The following ABCA13 variants were observed in gnomAD, a reference collection of about 807,000 sequenced individuals.
The protein encoded by ABCA13 is ATP binding cassette subfamily A member 13.
A neutral mutation model predicts 478.7 loss-of-function variants in ABCA13; 476 were observed. The observed-to-expected ratio is 0.99, with a 90% CI of 0.92 to 1.07. The LOEUF (loss-of-function observed/expected upper bound fraction) is 1.07. Ranked by LOEUF, ABCA13 falls within the 50% of genes least tolerant of loss-of-function variation. The pLI is 0.00. For missense variants in ABCA13, 6,060 were observed against 5,910.6 expected (o/e 1.03, Z -0.83); for synonymous variants, 2,252 against 2,158.9 (o/e 1.04, Z -1.20).
At chr7:48,440,471 G>C (rs1426909963) in intron 42 of ABCA13, among the ~76,000 whole-genome samples, 1 of 151,948 alleles carries the variant, frequency 6.6e-6, no homozygotes, top group Admixed American at 6.6e-5. Context: ...ATCATAATTG[G>C]TCTCTACATT....
chr7:48,285,112 C>T (rs1797550296), intron 19 of ABCA13, among the ~76,000 whole-genome samples: 1 of 152,142 alleles, frequency 6.6e-6, no homozygotes, highest in Non-Finnish European at 1.5e-5. Flanking sequence ...TTTAATCTTC[C>T]AGTTTCCCTA....
intron 29 of ABCA13, among the ~76,000 whole-genome samples, chr7:48,344,141 T>C (rs1807682420): frequency 6.6e-6 from 1 of 152,224 alleles, no homozygotes; most frequent in Admixed American, 6.5e-5. Context: ...AGTTCTCAAC[T>C]GAGGATGATT....
At chr7:48,337,295 C>T (rs1432957108) in intron 28 of ABCA13, among the ~76,000 whole-genome samples, 4 of 152,138 alleles carry the variant, frequency 2.6e-5, no homozygotes, top group African/African-American at 9.7e-5. Context: ...ACAACAGTAC[C>T]CTCCTGGGGA....
At chr7:48,451,059 G>A (rs561619809) in intron 42 of ABCA13, among the ~76,000 whole-genome samples, 5 of 146,152 alleles carry the variant, frequency 3.4e-5, no homozygotes, top group South Asian at 2.1e-4. Flanking sequence ...GTGCAGTGGC[G>A]TGATCTTGGC....
In ABCA13 at chr7:48,271,990, C is replaced by A. The variant is rs1795677316; in HGVS notation, c.2324C>A (p.Thr775Lys). 1.2e-6 allele frequency: 2 copies of A among 1,613,448 alleles called. No homozygotes were observed. Among genetic ancestry groups the A allele is most frequent in the Admixed American group, 1.7e-5 (1 of 59,936 alleles). Residue 775 changes from threonine to lysine, a missense_variant, in exon 17 of 62, where the codon ACA (threonine) becomes AAA (lysine). Physicochemically the swap from Thr to Lys is moderately conservative, Grantham distance 78 (BLOSUM62 -1). This residue lies in a region of ABCA13 where 4,423 missense variants were observed against 4,309.1 expected (regional missense o/e 1.03). Coordinates refer to ENST00000435803, the MANE Select transcript of ABCA13 (RefSeq NM_152701.5). ...ATTCTGAATATAAGTTCTCTGTGGA[C>A]AAATCATTTAAAAAGTTTAAAGAGA... ...EDILNISSLW[T>K]NHLKSLKRDP...
intron 29 of ABCA13, among the ~76,000 whole-genome samples, chr7:48,349,843 A>G (rs1028717664): frequency 1.2e-4 from 19 of 152,338 alleles, no homozygotes; most frequent in African/African-American, 4.6e-4. Context: ...GAGATACAGG[A>G]GGGCCAGCAG....
intron 58 of ABCA13, among the ~76,000 whole-genome samples, chr7:48,609,436 G>C (rs909776155): frequency 6.6e-6 from 1 of 152,000 alleles, no homozygotes; most frequent in East Asian, 1.9e-4. Context: ...AGACTTTGTT[G>C]AAAAAAAGTC....
At chr7:48,394,341 G>A (rs897718656) in intron 38 of ABCA13, among the ~76,000 whole-genome samples, 2 of 152,090 alleles carry the variant, frequency 1.3e-5, no homozygotes, top group Non-Finnish European at 2.9e-5. Context: ...TGGTCTTATG[G>A]TGGATCCCTG....
At position 48,391,955 on chromosome 7, in the gene ABCA13, G is replaced by A; in HGVS notation, c.11689G>A (p.Gly3897Arg). 6.2e-7 allele frequency: 1 copy of A among 1,613,914 alleles called. No homozygotes were observed. The highest frequency in any genetic ancestry group is 1.1e-5 in the South Asian group (1 of 91,074). The change falls in exon 38 of 62, where the codon GGA becomes AGA. Residue 3897 changes from glycine to arginine, a missense_variant. By Grantham distance (125) the Gly-to-Arg change is moderately radical. Transcript: ENST00000435803. ...GACGGGGCTCCACCCTCCCACTTCTGGAACCATCATCATCAATGGCAAGAA... is the reference window on the plus strand; with the variant it reads ...GACGGGGCTCCACCCTCCCACTTCTAGAACCATCATCATCAATGGCAAGAA... The part of the protein sequence containing the change: ...MLTGLHPPTS[G>R]TIIINGKNLQ...
rs1320434079 is a variant in ABCA13, at chr7:48,176,263, A to G, written c.69+4711A>G. Among the ~76,000 whole-genome samples, 5 of 152,238 alleles carry G rather than the reference A, an allele frequency of 3.3e-5. No homozygotes were observed. In the East Asian group the frequency reaches 9.7e-4, roughly 29 times the overall value. On this transcript the variant is annotated intron_variant, in intron 1 of 61. Transcript: ENST00000435803. ...TAAGTGATACCAGCTTTTTGGGTTG[A>G]GCTGGCCAATTTTACTGAAGACTTG... is the stretch of plus-strand genomic sequence containing the variant.
At chr7:48,245,687 G>T (rs1791557930) in intron 12 of ABCA13, 75 bp downstream of exon 12, 3 of 1,513,348 alleles carry the variant, frequency 2.0e-6, no homozygotes, top group Admixed American at 2.0e-5. Context: ...ATTCAGTTTT[G>T]CTCCTTTTGT....
chr7:48,388,070 A>G (rs1815463915), intron 36 of ABCA13, 111 bp downstream of exon 36: 1 of 1,171,198 alleles, frequency 8.5e-7, no homozygotes. Context: ...TGATTCCTAG[A>G]GAGACTTACA....
chr7:48,501,737 C>T (rs146308982), intron 48 of ABCA13, among the ~76,000 whole-genome samples: 1 of 152,292 alleles, frequency 6.6e-6, no homozygotes, highest in African/African-American at 2.4e-5. Flanking sequence ...AAGTTCATTA[C>T]GTGAAATTTA....
chr7:48,570,076 G>C (rs1228997269), intron 55 of ABCA13, among the ~76,000 whole-genome samples: 2 of 151,770 alleles, frequency 1.3e-5, no homozygotes, highest in African/African-American at 4.8e-5. Flanking sequence ...TTCTATTGTT[G>C]AATTGTCTAT....
chr7:48,277,052 G>T (rs1254452140), intron 17 of ABCA13, among the ~76,000 whole-genome samples: 3 of 152,130 alleles, frequency 2.0e-5, no homozygotes, highest in Non-Finnish European at 4.4e-5. Context: ...TTTGAAGTTT[G>T]CCAGTGAAAA....
intron 29 of ABCA13, among the ~76,000 whole-genome samples, chr7:48,345,489 A>T (rs1477802833): frequency 6.7e-6 from 1 of 149,340 alleles, no homozygotes; most frequent in African/African-American, 2.5e-5. Flanking sequence ...GCCTAGGCTA[A>T]TGTGTGGTTT....
At position 48,278,753 on chromosome 7, in the gene ABCA13, A is replaced by G; in HGVS notation, c.7559A>G (p.Asp2520Gly). 6.2e-7 allele frequency: 1 copy of G among 1,613,906 alleles called. No individual in the cohort carries two copies. The highest frequency in any genetic ancestry group is 8.5e-7 in the Non-Finnish European group (1 of 1,179,884). ...ADLRDLATSM[D>G]SIVKLLKLVK... ...CTGAGAGATCTTGCCACATCAATGG[A>G]CTCCATTGTGAAACTTCTTAAGCTG... Residue 2520 changes from aspartate (D) to glycine (G), a missense_variant, in exon 18 of 62, where the codon GAC (aspartate) becomes GGC (glycine). Transcript: ENST00000435803.
intron 1 of ABCA13, among the ~76,000 whole-genome samples, chr7:48,188,350 G>T (rs1295756646): frequency 1.3e-5 from 2 of 152,114 alleles, no homozygotes; most frequent in African/African-American, 2.4e-5. Flanking sequence ...CACTTTCCTT[G>T]TTTATTTGAT....
intron 41 of ABCA13, among the ~76,000 whole-genome samples, chr7:48,425,756 T>TATTTATTTA (rs141602828): frequency 8.1e-6 from 1 of 123,680 alleles, no homozygotes; most frequent in African/African-American, 3.3e-5. Flanking sequence ...TTTATTTATT[T>TATTTATTTA]TTTCGAGATG....
Sources: gnomAD v4.1 joint callset for allele counts (sites outside exome capture counted in the v4.1 genomes callset) on GRCh38, gnomAD v4.1.1 for gene constraint, gnomAD v4.1.1 regional missense constraint, MANE v1.5 for transcripts, NCBI Gene and HGNC (gene_info 2026-07-23, HGNC 2026-07-21) for gene names.